The following CLPX variants were observed in gnomAD, a reference collection of about 807,000 sequenced individuals.
CLPX encodes ATP-dependent clpX-like chaperone, mitochondrial.
CLPX carries 34 observed loss-of-function variants against 76.4 expected under a neutral mutation model. The observed-to-expected ratio is 0.45, with a 90% confidence interval of 0.34 to 0.59. The LOEUF (loss-of-function observed/expected upper bound fraction) is 0.59, where lower values mean the gene tolerates loss of function less well. Ranked by LOEUF, CLPX falls within the 20% of genes least tolerant of loss-of-function variation. The pLI is 0.01. For missense variants in CLPX, 613 were observed against 757.0 expected (o/e 0.81, Z 2.23); for synonymous variants, 248 against 270.9 (o/e 0.92, Z 0.83).
At chr15:65,183,545 A>C (rs1005853135) in intron 1 of CLPX, among the ~76,000 whole-genome samples, 4 of 151,628 alleles carry the variant, frequency 2.6e-5, no homozygotes, top group Non-Finnish European at 5.9e-5. Flanking sequence ...AAAGGAAAGA[A>C]AGACAGGAAG....
At chr15:65,160,623 T>TCTCTCTCTCTCTCTCACACA (rs1219208926) in intron 6 of CLPX, among the ~76,000 whole-genome samples, 46 of 101,018 alleles carry the variant, frequency 4.6e-4, no homozygotes, top group African/African-American at 9.4e-4. Flanking sequence ...TCTCTCTCTC[T>TCTCTCTCTCTCTCTCACACA]CACACACACA....
chr15:65,178,638 C>T (rs993049390), intron 3 of CLPX, among the ~76,000 whole-genome samples: 1 of 151,404 alleles, frequency 6.6e-6, no homozygotes, highest in Non-Finnish European at 1.5e-5. Flanking sequence ...CCATGGCTCA[C>T]TGCAGCCTCA....
chr15:65,157,342 T>C (rs2087802800), intron 8 of CLPX, among the ~76,000 whole-genome samples: 2 of 152,180 alleles, frequency 1.3e-5, no homozygotes, highest in Admixed American at 6.5e-5. Flanking sequence ...GAACAGATGA[T>C]AAATGAAGGA....
chr15:65,157,772 T>C lies in CLPX; in HGVS notation c.1031A>G (p.Asn344Ser). Reference sequence around the variant, plus strand: ...TTGTTGTGCTTTTTCCACATTATAATTGGCATCTTGGAGTAGTTTTGCAAT... The same window carrying C: ...TTGTTGTGCTTTTTCCACATTATAACTGGCATCTTGGAGTAGTTTTGCAAT... ...SVIAKLLQDA[N>S]YNVEKAQQGI... Residue 344 changes from asparagine to serine, a missense_variant, in exon 8 of 14, where the codon AAT (asparagine) becomes AGT (serine). Physicochemically the swap from Asn to Ser is conservative, Grantham distance 46. This residue lies in a region of CLPX where 450 missense variants were observed against 638.6 expected (regional missense o/e 0.70). Transcript: ENST00000300107. 1 of 1,613,638 alleles carries C rather than the reference T, an allele frequency of 6.2e-7. No individual in the cohort carries two copies. The highest frequency in any genetic ancestry group is 8.5e-7 in the Non-Finnish European group (1 of 1,179,856).
chr15:65,180,288 G>A (rs2088148271), intron 1 of CLPX, 84 bp from the exon 2 acceptor site: 2 of 1,063,330 alleles, frequency 1.9e-6, no homozygotes, highest in Non-Finnish European at 2.7e-6. Flanking sequence ...GCATAAAGGA[G>A]GTTGAAAAAA....
At chr15:65,164,323 T>C in intron 4 of CLPX, 135 bp from the exon 5 acceptor site, 1 of 615,390 alleles carries the variant, frequency 1.6e-6, no homozygotes. Flanking sequence ...AAAATGACAA[T>C]ACATTATATA....
chr15:65,156,761 T>C, intron 9 of CLPX, 83 bp downstream of exon 9: 2 of 835,282 alleles, frequency 2.4e-6, no homozygotes, highest in Admixed American at 4.3e-5. Context: ...TCTAATTGAA[T>C]GTGAAACCAA....
At chr15:65,168,558 T>C (rs1305949386) in intron 3 of CLPX, among the ~76,000 whole-genome samples, 1 of 125,996 alleles carries the variant, frequency 7.9e-6, no homozygotes, top group Admixed American at 1.0e-4. Context: ...TGAGAACACT[T>C]GGACACAGGG....
rs554931766 is a variant in CLPX, at chr15:65,175,853, GAA to G, written c.358+3079_358+3080del. ...AGAAGGATTCAAAAGGATGCATTCT[GAA>G]AAGACTTTTATTATGGGTACACAAA... On this transcript the variant is annotated intron_variant, in intron 3 of 13. Coordinates refer to ENST00000300107, the MANE Select transcript of CLPX (RefSeq NM_006660.5). Among the ~76,000 whole-genome samples, 337 of 152,262 alleles carry G rather than the reference GAA, an allele frequency of 2.2e-3. 3 individuals carry two copies. Among genetic ancestry groups the G allele is most frequent in the African/African-American group, 7.9e-3 (327 of 41,546 alleles).
intron 5 of CLPX, 34 bp from the exon 6 acceptor site, chr15:65,162,679 T>TCCCCCAAGG: frequency 7.5e-7 from 1 of 1,336,796 alleles, no homozygotes; most frequent in Non-Finnish European, 1.1e-6. Flanking sequence ...ACATATTTGT[T>TCCCCCAAGG]TACCTTGGGG....
chr15:65,153,756 G>A (rs2087753897), intron 11 of CLPX, 117 bp from the exon 12 acceptor site: 3 of 572,604 alleles, frequency 5.2e-6, no homozygotes, highest in Non-Finnish European at 6.0e-6. Context: ...CCTTCAAGAA[G>A]CACTTGTTTC....
At chr15:65,177,789 T>C (rs1397729595) in intron 3 of CLPX, among the ~76,000 whole-genome samples, 3 of 152,120 alleles carry the variant, frequency 2.0e-5, no homozygotes, top group Non-Finnish European at 2.9e-5. Flanking sequence ...AAAAGTAGGA[T>C]ACATGATTTT....
intron 3 of CLPX, among the ~76,000 whole-genome samples, chr15:65,176,783 C>T (rs1005874251): frequency 2.6e-5 from 4 of 151,276 alleles, no homozygotes; most frequent in Non-Finnish European, 4.4e-5. Context: ...TTAGTAGAGA[C>T]GGGGTTTCAC....
chr15:65,171,216 G>A (rs915725613), intron 3 of CLPX, among the ~76,000 whole-genome samples: 4 of 152,078 alleles, frequency 2.6e-5, no homozygotes, highest in Non-Finnish European at 5.9e-5. Flanking sequence ...GGAGGCTGAG[G>A]CAGGTGGATC....
chr15:65,178,955 TG>T lies in CLPX; in HGVS notation c.336del (p.Cys112Ter). ...TTACATACAAAGGTCTCTACATGTG[TG>T]CACAAGTCGCCACATTTAGGACAGC... ...QLRCPKCGDL[C>X]THVETFVSST... On this transcript the variant is annotated frameshift_variant, in exon 3 of 14. Coordinates refer to ENST00000300107, the MANE Select transcript of CLPX (RefSeq NM_006660.5). LOFTEE classifies it high-confidence loss of function. The T allele has an allele frequency of 6.2e-7, 1 of 1,606,384 alleles. No homozygotes were observed. Among genetic ancestry groups the T allele is most frequent in the Non-Finnish European group, 8.5e-7 (1 of 1,174,306 alleles).
chr15:65,155,099 C>T lies in CLPX; in HGVS notation c.1312-18G>A. 1 of 1,599,044 alleles carries T rather than the reference C, an allele frequency of 6.3e-7. No individual in the cohort carries two copies. Among genetic ancestry groups the T allele is most frequent in the East Asian group, 2.2e-5 (1 of 44,728 alleles). Reference sequence around the variant, plus strand: ...CCAAGATACTGCCAAAGAAATGATGCATATTTATAATTAGTAGAATCAAAT... The same window carrying T: ...CCAAGATACTGCCAAAGAAATGATGTATATTTATAATTAGTAGAATCAAAT... On this transcript the variant is annotated intron_variant, in intron 10 of 13. Transcript: ENST00000300107.
At chr15:65,164,467 T>C (rs914783856) in intron 4 of CLPX, among the ~76,000 whole-genome samples, 1 of 152,222 alleles carries the variant, frequency 6.6e-6, no homozygotes, top group African/African-American at 2.4e-5. Flanking sequence ...TCAATCTTTA[T>C]TTTTTGATAA....
At position 65,154,943 on chromosome 15, in the gene CLPX, C is replaced by T. The variant is rs2087767586; in HGVS notation, c.1450G>A (p.Ala484Thr). 1 of 1,614,172 alleles carries T rather than the reference C, an allele frequency of 6.2e-7. No individual in the cohort carries two copies. Among genetic ancestry groups the T allele is most frequent in the Non-Finnish European group, 8.5e-7 (1 of 1,180,026 alleles). Residue 484 changes from alanine to threonine, a missense_variant, in exon 11 of 14, where the codon GCC becomes ACC. Coordinates refer to ENST00000300107, the MANE Select transcript of CLPX (RefSeq NM_006660.5). ...ATGCCAAACTCAATCAGATCTCTGG[C>T]TTCCACATGACGCAATAACCGATCT... ...EKDRLLRHVE[A>T]RDLIEFGMIP...
intron 6 of CLPX, among the ~76,000 whole-genome samples, chr15:65,160,881 G>A (rs907855720): frequency 6.6e-6 from 1 of 152,144 alleles, no homozygotes; most frequent in African/African-American, 2.4e-5. Context: ...ATCTCTCACT[G>A]TGTAAGCACA....
Sources: allele counts gnomAD v4.1 joint callset (sites outside exome capture counted in the v4.1 genomes callset), GRCh38; gene constraint gnomAD v4.1.1; regional missense constraint gnomAD v4.1.1; transcripts MANE v1.5; gene names NCBI Gene and HGNC (gene_info 2026-07-23, HGNC 2026-07-21).